The following KCNJ5 variants were observed in gnomAD, a reference collection of about 807,000 sequenced individuals.
KCNJ5 encodes the protein G protein-activated inward rectifier potassium channel 4.
In KCNJ5, 12 loss-of-function variants were observed where a neutral mutation model predicts 20.2. That is an observed-to-expected ratio of 0.59 (90% CI 0.38 to 0.96). KCNJ5 has a LOEUF of 0.96. Among genes scored for constraint, KCNJ5 ranks in the 40% least tolerant of loss-of-function variants. The pLI is 0.00. For missense variants in KCNJ5, 449 were observed against 557.6 expected (o/e 0.81, Z 1.96); for synonymous variants, 210 against 213.9 (o/e 0.98, Z 0.16).
chr11:128,892,041 G>A (rs1181573210), intron 1 of KCNJ5, among the ~76,000 whole-genome samples: 1 of 152,224 alleles, frequency 6.6e-6, no homozygotes, highest in Non-Finnish European at 1.5e-5. Flanking sequence ...GAGTGGGTGG[G>A]GTGTGGAGGA....
chr11:128,902,821 GA>G, intron 1 of KCNJ5: 3 of 1,277,462 alleles, frequency 2.3e-6, no homozygotes, highest in Non-Finnish European at 2.2e-6. Context: ...TCCATGGGCA[GA>G]AAAGGCCTCT....
rs1376295466 is a variant in KCNJ5, at chr11:128,911,600, G to A, written c.327G>A (p.Trp109Ter). Residue 109 changes from tryptophan to a stop codon, truncating the protein, a stop_gained, in exon 2 of 3, where the codon TGG becomes TGA. Transcript: ENST00000529694. LOFTEE classifies it high-confidence loss of function. The surrounding 1 kb of genome is among the most constrained non-coding windows in gnomAD (Gnocchi z 6.3). ...GGCTGTTCTTCGGCTTCATTTGGTGGCTCATTGCTTATATCCGGGGTGACC... is the reference window on the plus strand; with the variant it reads ...GGCTGTTCTTCGGCTTCATTTGGTGACTCATTGCTTATATCCGGGGTGACC... Reference protein sequence around the residue: ...VTWLFFGFIWWLIAYIRGDLD... With the variant: ...VTWLFFGFIW The A allele has an allele frequency of 6.2e-7, 1 of 1,614,206 alleles. No homozygotes were observed. The highest frequency in any genetic ancestry group is 1.7e-5 in the Admixed American group (1 of 60,028).
chr11:128,901,158 G>T (rs1186998635), intron 1 of KCNJ5: 1 of 152,256 alleles, frequency 6.6e-6, no homozygotes, highest in East Asian at 1.9e-4. Context: ...ACTCAAATGG[G>T]TGTGAAGTAG....
At chr11:128,895,808 C>T (rs997501491) in intron 1 of KCNJ5, among the ~76,000 whole-genome samples, 1 of 152,258 alleles carries the variant, frequency 6.6e-6, no homozygotes, top group Non-Finnish European at 1.5e-5. Context: ...GGGGCGAAGG[C>T]AGGCTGCTCT....
At chr11:128,896,329 G>T (rs1349756031) in intron 1 of KCNJ5, among the ~76,000 whole-genome samples, 1 of 150,776 alleles carries the variant, frequency 6.6e-6, no homozygotes, top group East Asian at 2.1e-4. Context: ...GTAATATTTT[G>T]CAAAACTGTA....
At chr11:128,893,299 C>A (rs1158054279) in intron 1 of KCNJ5, among the ~76,000 whole-genome samples, 4 of 152,130 alleles carry the variant, frequency 2.6e-5, no homozygotes, top group African/African-American at 7.2e-5. Context: ...CTTGGAAGAG[C>A]AGCAGCAGGG....
rs1944232401 is a variant in KCNJ5, at chr11:128,899,502, C to T, written c.-11+7781C>T. The T allele has an allele frequency of 2.0e-5, 3 of 152,328 alleles. No individual in the cohort carries two copies. In the South Asian group the frequency reaches 6.2e-4, roughly 32 times the overall value. The allele number at this position is 152,328 out of a possible 1,614,324, so 9.4% of individuals were successfully genotyped here. A position where few individuals can be genotyped will look rare whatever the true frequency, so the allele number is the denominator to read the frequency against. On this transcript the variant is annotated intron_variant, in intron 1 of 2. Coordinates refer to ENST00000529694, the MANE Select transcript of KCNJ5 (RefSeq NM_000890.5). ...GCACTTCTACCTCATCTTCCCTAAT[C>T]ATCACTGATAAATTGGCACCAGCCC...
chr11:128,915,883 ATG>A (rs1944570408), intron 2 of KCNJ5, among the ~76,000 whole-genome samples: 2 of 112,392 alleles, frequency 1.8e-5, no homozygotes, highest in African/African-American at 7.2e-5. Context: ...GGATGGATGG[ATG>A]GGTGATAGGA....
chr11:128,913,656 C>G (rs1944534943), intron 2 of KCNJ5, among the ~76,000 whole-genome samples: 2 of 152,070 alleles, frequency 1.3e-5, no homozygotes, highest in Non-Finnish European at 2.9e-5. Context: ...CAGTCACGCT[C>G]AGAATGATGC....
chr11:128,892,286 A>G (rs941550409), intron 1 of KCNJ5, among the ~76,000 whole-genome samples: 5 of 152,252 alleles, frequency 3.3e-5, no homozygotes, highest in Admixed American at 3.3e-4. Context: ...GCCAGGGGTC[A>G]AGCCTGTGAG....
At position 128,903,595 on chromosome 11, in the gene KCNJ5, G is replaced by A. The variant is rs1201596525; in HGVS notation, c.-10-7669G>A. The stretch of plus-strand genomic sequence containing the variant: ...TAGTGGTCTTGTTTCTACTGCGGGG[G>A]CCGTTGTCCAAGCAGACCTTCAGAG... On this transcript the variant is annotated intron_variant, in intron 1 of 2. Transcript: ENST00000529694. The A allele has an allele frequency of 2.0e-5, 29 of 1,480,078 alleles. No individual in the cohort carries two copies. In the South Asian group the frequency reaches 3.4e-4, roughly 17 times the overall value. The allele number at this position is 1,480,078 out of a possible 1,614,324, so 91.7% of individuals were successfully genotyped here. A position where few individuals can be genotyped will look rare whatever the true frequency, so the allele number is the denominator to read the frequency against.
intron 1 of KCNJ5, chr11:128,903,266 C>A (rs1436247381): frequency 3.8e-6 from 5 of 1,313,076 alleles, no homozygotes; most frequent in South Asian, 1.4e-5. Flanking sequence ...TAAGACATCC[C>A]ATTTAAATAA....
rs148507442 is a variant in KCNJ5, at chr11:128,892,381, G to T, written c.-11+660G>T. Among the ~76,000 whole-genome samples the T allele has an allele frequency of 8.4e-4, 128 of 152,208 alleles. 1 individual carries two copies. The highest frequency in any genetic ancestry group is 3.1e-3 in the African/African-American group (127 of 41,530). ...AGTGCTTCTCCCTGCAGAGCTGTTG[G>T]CCCCCTGGTTTTATCTGTGCCTTCC... is the stretch of plus-strand genomic sequence containing the variant. On this transcript the variant is annotated intron_variant, in intron 1 of 2. Coordinates refer to ENST00000529694, the MANE Select transcript of KCNJ5 (RefSeq NM_000890.5).
Position 128,920,926 on chromosome 11 carries a change from C to T in KCNJ5, c.*4195C>T, listed in dbSNP as rs959980292. ...CCCCTGTGGCGGGATAATTGGGAAACAACCTTTTTCTGATTCCCAGAGAAC... is the reference window on the plus strand; with the variant it reads ...CCCCTGTGGCGGGATAATTGGGAAATAACCTTTTTCTGATTCCCAGAGAAC... On this transcript the variant is annotated 3_prime_UTR_variant, in exon 3 of 3. Coordinates refer to ENST00000529694, the MANE Select transcript of KCNJ5 (RefSeq NM_000890.5). 4.6e-5 allele frequency: 7 copies of T among 152,258 alleles called. 1 individual carries two copies. The highest frequency in any genetic ancestry group is 7.3e-5 in the Non-Finnish European group (5 of 68,046). 9.4% of individuals were successfully genotyped at this position (152,258 alleles called of 1,614,324 possible).
Position 128,911,672 on chromosome 11 carries a change from C to T in KCNJ5, c.399C>T (p.Leu133=). ...DQEWIPCVEN[L]SGFVSAFLFS... The stretch of plus-strand genomic sequence containing the variant: ...AGTGGATTCCTTGTGTTGAAAACCT[C>T]AGTGGCTTCGTGTCCGCTTTCCTGT... The change falls in exon 2 of 3, where the codon CTC becomes CTT. Residue 133 remains leucine (L), a synonymous_variant. Coordinates refer to ENST00000529694, the MANE Select transcript of KCNJ5 (RefSeq NM_000890.5). This position sits in a 1 kb window ranked among gnomAD's most constrained non-coding sequence, Gnocchi z 6.3. 1 of 1,614,226 alleles carries T rather than the reference C, an allele frequency of 6.2e-7. No homozygotes were observed. Among genetic ancestry groups the T allele is most frequent in the Non-Finnish European group, 8.5e-7 (1 of 1,180,038 alleles).
intron 2 of KCNJ5, among the ~76,000 whole-genome samples, chr11:128,914,433 C>T (rs977221478): frequency 3.9e-5 from 6 of 152,280 alleles, no homozygotes; most frequent in South Asian, 2.1e-4. Flanking sequence ...TCCCACAACC[C>T]GGGCTATGCT....
Position 128,912,165 on chromosome 11 carries a change from G to C in KCNJ5, c.892G>C (p.Glu298Gln). The stretch of plus-strand genomic sequence containing the variant: ...GTCTCAGGCTCAGCTGCATCAGGAA[G>C]AGTTTGAAGTTGTGGTCATTCTAGA... The part of the protein sequence containing the change: ...EMSQAQLHQE[E>Q]FEVVVILEGM... Residue 298 changes from glutamate to glutamine, a missense_variant, in exon 2 of 3, where the codon GAG becomes CAG. Coordinates refer to ENST00000529694, the MANE Select transcript of KCNJ5 (RefSeq NM_000890.5). The C allele has an allele frequency of 6.2e-7, 1 of 1,609,022 alleles. No individual in the cohort carries two copies.
intron 1 of KCNJ5, among the ~76,000 whole-genome samples, chr11:128,898,762 C>A (rs552016438): frequency 2.6e-5 from 4 of 152,288 alleles, no homozygotes; most frequent in African/African-American, 9.6e-5. Context: ...CGGCTCACTG[C>A]CAACCTCTGC....
Position 128,902,488 on chromosome 11 carries a change from G to T in KCNJ5, c.-10-8776G>T, listed in dbSNP as rs1944303102. 9.7e-6 allele frequency: 15 copies of T among 1,544,960 alleles called. No homozygotes were observed. In the South Asian group the frequency reaches 1.7e-4, roughly 17 times the overall value. On this transcript the variant is annotated intron_variant, in intron 1 of 2. Coordinates refer to ENST00000529694, the MANE Select transcript of KCNJ5 (RefSeq NM_000890.5). ...GGAACCCCGCACTTTAAGGAACAGG[G>T]ATGTCATAGCAGCCGTCTGCATGGG...
Sources: allele counts gnomAD v4.1 joint callset (sites outside exome capture counted in the v4.1 genomes callset), GRCh38; gene constraint gnomAD v4.1.1; non-coding constraint Gnocchi (gnomAD v3.1); transcripts MANE v1.5; gene names NCBI Gene and HGNC (gene_info 2026-07-23, HGNC 2026-07-21).